The following SNTG1 variants were observed in gnomAD, a reference collection of about 807,000 sequenced individuals.
SNTG1 encodes the protein syntrophin gamma 1, also known as gamma-1-syntrophin.
SNTG1 carries 39 observed loss-of-function variants against 74.7 expected under a neutral mutation model. That is an observed-to-expected ratio of 0.52 (90% CI 0.40 to 0.68). SNTG1 has a LOEUF of 0.68. Ranked by LOEUF, SNTG1 falls within the 30% of genes least tolerant of loss-of-function variation. The pLI is 0.00. For synonymous variants in SNTG1, 254 were observed against 217.1 expected, an observed-to-expected ratio of 1.17 and a Z score of -1.49; for missense variants, 685 against 609.5, an observed-to-expected ratio of 1.12 and a Z score of -1.30.
intron 2 of SNTG1, among the ~76,000 whole-genome samples, chr8:50,208,778 A>G (rs1188071323): frequency 1.3e-5 from 2 of 152,096 alleles, no homozygotes; most frequent in African/African-American, 4.8e-5. Flanking sequence ...ATCTCTCAGC[A>G]TTTCCAAGAT....
rs751813397 is a variant in SNTG1, at chr8:50,530,238, C to T, written c.528C>T (p.Leu176=). ...SSPLCDSGLH[L]NYHPNNTDTL... Reference sequence around the variant, plus strand: ...CTCTCTGTGACAGTGGCTTACATCTCAACTACCATCCCAACAATACAGTAA... The same window carrying T: ...CTCTCTGTGACAGTGGCTTACATCTTAACTACCATCCCAACAATACAGTAA... Residue 176 remains leucine, a synonymous_variant, in exon 10 of 19, where the codon CTC becomes CTT. Transcript: ENST00000642720. 6 of 1,613,772 alleles carry T rather than the reference C, an allele frequency of 3.7e-6. No individual in the cohort carries two copies. The East Asian group carries it at 1.3e-4, about 36-fold the overall frequency.
At chr8:50,252,255 A>C (rs1338978883) in intron 2 of SNTG1, among the ~76,000 whole-genome samples, 2 of 152,126 alleles carry the variant, frequency 1.3e-5, no homozygotes, top group African/African-American at 2.4e-5. Context: ...ACATCAAAAC[A>C]AGAAAAATAT....
chr8:50,208,978 C>G (rs866640746), intron 2 of SNTG1, among the ~76,000 whole-genome samples: 1 of 152,110 alleles, frequency 6.6e-6, no homozygotes, highest in Admixed American at 6.6e-5. Flanking sequence ...ATTCCCTTTC[C>G]TAGCCAAGGG....
chr8:50,730,687 A>G (rs2095510874), intron 17 of SNTG1, among the ~76,000 whole-genome samples: 1 of 152,186 alleles, frequency 6.6e-6, no homozygotes, highest in African/African-American at 2.4e-5. Flanking sequence ...TTAAGATGAA[A>G]TAAAAAGAAT....
At chr8:50,045,008 G>A (rs974893152) in intron 1 of SNTG1, among the ~76,000 whole-genome samples, 1 of 152,236 alleles carries the variant, frequency 6.6e-6, no homozygotes, top group African/African-American at 2.4e-5. Flanking sequence ...GATTGAGACA[G>A]ACTGAGAGAG....
At chr8:50,385,976 T>C (rs1385332153) in intron 2 of SNTG1, among the ~76,000 whole-genome samples, 1 of 152,184 alleles carries the variant, frequency 6.6e-6, no homozygotes, top group Non-Finnish European at 1.5e-5. Context: ...TCCTCGATGA[T>C]AGTAATAAAG....
intron 8 of SNTG1, among the ~76,000 whole-genome samples, chr8:50,496,361 TG>T (rs2093904350): frequency 6.6e-6 from 1 of 152,000 alleles, no homozygotes; most frequent in African/African-American, 2.4e-5. Context: ...TGAAGGGAGG[TG>T]TGTGCGTGTT....
chr8:50,007,353 A>G (rs1436362924), intron 1 of SNTG1, among the ~76,000 whole-genome samples: 1 of 151,604 alleles, frequency 6.6e-6, no homozygotes, highest in African/African-American at 2.4e-5. Context: ...GTCGTCTTTC[A>G]TTTTTCTCCA....
intron 8 of SNTG1, among the ~76,000 whole-genome samples, chr8:50,493,761 A>G (rs944238047): frequency 6.0e-5 from 9 of 150,668 alleles, no homozygotes; most frequent in African/African-American, 2.2e-4. Flanking sequence ...TTACTTCTAT[A>G]TATTGAGAGT....
intron 5 of SNTG1, 61 bp from the exon 6 acceptor site, chr8:50,449,607 T>G (rs2093436871): frequency 7.3e-7 from 1 of 1,363,288 alleles, no homozygotes; most frequent in Non-Finnish European, 9.9e-7. Context: ...GTATGGTTTC[T>G]TAGCTAAAAG....
At chr8:50,188,254 G>A (rs558684542) in intron 2 of SNTG1, among the ~76,000 whole-genome samples, 40 of 152,098 alleles carry the variant, frequency 2.6e-4, no homozygotes, top group Non-Finnish European at 4.7e-4. Context: ...TCTTCAAATA[G>A]TGAACCATAC....
intron 13 of SNTG1, among the ~76,000 whole-genome samples, chr8:50,606,482 T>C (rs2094813389): frequency 6.6e-6 from 1 of 152,044 alleles, no homozygotes; most frequent in African/African-American, 2.4e-5. Flanking sequence ...CTAAAATGAC[T>C]TCTAAGATGT....
chr8:50,579,017 G>A (rs1315523504), intron 12 of SNTG1, among the ~76,000 whole-genome samples: 1 of 152,138 alleles, frequency 6.6e-6, no homozygotes, highest in African/African-American at 2.4e-5. Flanking sequence ...GGAGAATGTA[G>A]GAAAGTTTGG....
At chr8:50,401,235 C>A (rs7005672) in intron 3 of SNTG1, among the ~76,000 whole-genome samples, 109,642 of 151,970 alleles carry the variant, frequency 0.72, 39,662 homozygotes, top group East Asian at 0.84. Context: ...TTTTTGGTGC[C>A]GAATAAGAGC....
At chr8:50,560,686 TC>T (rs1403948388) in intron 12 of SNTG1, among the ~76,000 whole-genome samples, 3 of 151,902 alleles carry the variant, frequency 2.0e-5, no homozygotes, top group African/African-American at 7.3e-5. Flanking sequence ...CGTGGACACA[TC>T]GGGGGAACAA....
intron 15 of SNTG1, among the ~76,000 whole-genome samples, chr8:50,702,248 C>T (rs28647321): frequency 0.56 from 85,622 of 151,966 alleles, 26,223 homozygotes; most frequent in East Asian, 0.68. Flanking sequence ...GATATTATAA[C>T]CCCAAAACTA....
chr8:50,025,175 T>A (rs1817161673), intron 1 of SNTG1, among the ~76,000 whole-genome samples: 1 of 152,118 alleles, frequency 6.6e-6, no homozygotes, highest in South Asian at 2.1e-4. Context: ...AAAATAAACA[T>A]TTTTAAATAT....
At chr8:50,382,032 G>A (rs1186381943) in intron 2 of SNTG1, 2 of 151,296 alleles carry the variant, frequency 1.3e-5, no homozygotes, top group African/African-American at 4.9e-5. Context: ...GGCTAGGCCG[G>A]CCTCGTCTTT....
chr8:50,250,483 T>C (rs1241484501), intron 2 of SNTG1, among the ~76,000 whole-genome samples: 2 of 152,148 alleles, frequency 1.3e-5, no homozygotes, highest in African/African-American at 4.8e-5. Flanking sequence ...TCAATGATTT[T>C]TAACCCAAAA....
Sources: gnomAD v4.1 joint callset for allele counts (sites outside exome capture counted in the v4.1 genomes callset) on GRCh38, gnomAD v4.1.1 for gene constraint, MANE v1.5 for transcripts, NCBI Gene and HGNC (gene_info 2026-07-23, HGNC 2026-07-21) for gene names.